Variants in ZNF521 observed in about 807,000 individuals in gnomAD.
The protein encoded by ZNF521 is LYST-interacting protein 3.
In ZNF521, 14 loss-of-function variants were observed where a neutral mutation model predicts 105.5. The ratio of observed to expected loss-of-function variants is 0.13; its 90% confidence interval spans 0.09 to 0.21. The LOEUF is 0.21. ZNF521 is among the 10% of genes least tolerant of loss of function. ZNF521 has a pLI of 1.00. For missense variants in ZNF521, 1,233 were observed against 1,629.7 expected, an observed-to-expected ratio of 0.76 and a Z score of 4.19; for synonymous variants, 635 against 606.0, an observed-to-expected ratio of 1.05 and a Z score of -0.70.
Position 25,227,425 on chromosome 18 carries a change from T to G in ZNF521, c.493A>C (p.Ile165Leu). 1 of 1,614,164 alleles carries G rather than the reference T, an allele frequency of 6.2e-7. No homozygotes were observed. ...TTCTTGTCCCCGGTGTGGAGTTTTA[T>G]GTGGCGATCTCGGCTGCGCTTGTGT... ...FKHKRSRDRHIKLHTGDKKYH... is the reference protein window; with the variant it reads ...FKHKRSRDRHLKLHTGDKKYH... The change falls in exon 4 of 8, where the codon ATA becomes CTA. Residue 165 changes from isoleucine to leucine, a missense_variant. By Grantham distance (5) the Ile-to-Leu change is conservative (BLOSUM62 2). Transcript: ENST00000361524. This position sits in a 1 kb window ranked among gnomAD's most constrained non-coding sequence, Gnocchi z 5.7.
intron 2 of ZNF521, among the ~76,000 whole-genome samples, chr18:25,331,376 C>G (rs1913557359): frequency 6.6e-6 from 1 of 151,960 alleles, no homozygotes; most frequent in South Asian, 2.1e-4. Context: ...TCTGTGTAGT[C>G]TTTAGTACAT....
chr18:25,178,033 T>C (rs1266272801), intron 5 of ZNF521, among the ~76,000 whole-genome samples: 1 of 152,180 alleles, frequency 6.6e-6, no homozygotes, highest in Non-Finnish European at 1.5e-5. Flanking sequence ...TAATAACACA[T>C]TCTGGCATCT....
At chr18:25,072,689 T>C (rs1261042287) in intron 7 of ZNF521, among the ~76,000 whole-genome samples, 1 of 152,178 alleles carries the variant, frequency 6.6e-6, no homozygotes, top group Non-Finnish European at 1.5e-5. Flanking sequence ...TCAAACTATA[T>C]AAAGCCAGCA....
At chr18:25,208,284 G>T (rs2036118039) in intron 4 of ZNF521, among the ~76,000 whole-genome samples, 2 of 152,100 alleles carry the variant, frequency 1.3e-5, no homozygotes, top group Admixed American at 1.3e-4. Context: ...TGTGCCCAAC[G>T]TCTATGAACA....
At chr18:25,296,291 T>C (rs961224612) in intron 3 of ZNF521, among the ~76,000 whole-genome samples, 17 of 152,202 alleles carry the variant, frequency 1.1e-4, no homozygotes, top group Admixed American at 6.5e-4. Context: ...GTTATTGTCA[T>C]CTGCCACCAC....
At chr18:25,306,658 T>C (rs774438289) in intron 3 of ZNF521, among the ~76,000 whole-genome samples, 3 of 152,114 alleles carry the variant, frequency 2.0e-5, no homozygotes, top group Non-Finnish European at 4.4e-5. Flanking sequence ...TTGTAGGGTG[T>C]CATTTCCACT....
At chr18:25,310,067 G>C (rs1194039336) in intron 3 of ZNF521, among the ~76,000 whole-genome samples, 6 of 152,012 alleles carry the variant, frequency 3.9e-5, no homozygotes, top group African/African-American at 1.4e-4. Flanking sequence ...TAGTTCACAA[G>C]AGATCTGAAT....
intron 7 of ZNF521, among the ~76,000 whole-genome samples, chr18:25,066,075 T>C (rs2033051808): frequency 6.6e-6 from 1 of 152,076 alleles, no homozygotes; most frequent in Admixed American, 6.5e-5. Context: ...GCATGAGAAA[T>C]GTAAGGGCAG....
chr18:25,175,453 G>C (rs979271162), intron 5 of ZNF521, among the ~76,000 whole-genome samples: 5 of 152,150 alleles, frequency 3.3e-5, no homozygotes, highest in Non-Finnish European at 7.3e-5. Flanking sequence ...ATCAACTCAA[G>C]CAAGGTTGGC....
At chr18:25,247,240 T>G (rs548546296) in intron 3 of ZNF521, among the ~76,000 whole-genome samples, 1 of 152,300 alleles carries the variant, frequency 6.6e-6, no homozygotes, top group Admixed American at 6.5e-5. Flanking sequence ...TCAGGAATGT[T>G]AATAGACCCC....
chr18:25,100,960 G>C (rs1430515363), intron 5 of ZNF521, among the ~76,000 whole-genome samples: 3 of 152,192 alleles, frequency 2.0e-5, no homozygotes, highest in Admixed American at 1.3e-4. Flanking sequence ...CATGCTGCCA[G>C]AAGGCAGAGG....
chr18:25,201,887 G>A (rs1600148495), intron 4 of ZNF521: 2 of 152,024 alleles, frequency 1.3e-5, no homozygotes, highest in East Asian at 1.9e-4. Flanking sequence ...TCTTAGAGTC[G>A]ATATGAAAAG....
Position 25,159,750 on chromosome 18 carries a change from C to T in ZNF521, c.3658+35410G>A, listed in dbSNP as rs116692067. On this transcript the variant is annotated intron_variant, in intron 5 of 7. Transcript: ENST00000361524. The stretch of plus-strand genomic sequence containing the variant: ...TGTGCCAAATTTAGAAATGTCACAT[C>T]GGGGTCAACAAAGTTACACTCACTA... Among the ~76,000 whole-genome samples, 812 of 152,210 alleles carry T rather than the reference C, an allele frequency of 5.3e-3. 10 individuals carry two copies. Among genetic ancestry groups the T allele is most frequent in the African/African-American group, 0.019 (790 of 41,522 alleles).
intron 5 of ZNF521, among the ~76,000 whole-genome samples, chr18:25,123,350 C>G (rs1027460181): frequency 6.6e-6 from 1 of 151,918 alleles, no homozygotes; most frequent in African/African-American, 2.4e-5. Flanking sequence ...AAAGAAAACA[C>G]AGAAATGATA....
intron 3 of ZNF521, among the ~76,000 whole-genome samples, chr18:25,257,068 T>C (rs761318648): frequency 7.8e-4 from 118 of 152,094 alleles, no homozygotes; most frequent in Non-Finnish European, 1.4e-3. Flanking sequence ...GAGACTACCG[T>C]AGATCACTGG....
At chr18:25,128,985 G>T (rs2034587866) in intron 5 of ZNF521, among the ~76,000 whole-genome samples, 2 of 151,738 alleles carry the variant, frequency 1.3e-5, no homozygotes, top group African/African-American at 4.8e-5. Flanking sequence ...AAAAGAACCA[G>T]AATAGCCAAA....
At chr18:25,148,204 C>T (rs919159949) in intron 5 of ZNF521, among the ~76,000 whole-genome samples, 1 of 152,180 alleles carries the variant, frequency 6.6e-6, no homozygotes, top group African/African-American at 2.4e-5. Context: ...TGGGATTAAA[C>T]ACTTGATTCA....
chr18:25,068,382 T>C (rs1206698338), intron 7 of ZNF521, among the ~76,000 whole-genome samples: 1 of 152,218 alleles, frequency 6.6e-6, no homozygotes, highest in African/African-American at 2.4e-5. Flanking sequence ...ACACTGAGGA[T>C]AATCGGTATG....
chr18:25,253,608 G>A (rs895621854), intron 3 of ZNF521, among the ~76,000 whole-genome samples: 1 of 152,048 alleles, frequency 6.6e-6, no homozygotes, highest in Non-Finnish European at 1.5e-5. Context: ...ATTTCATGAG[G>A]AAAAGACATG....
Sources: allele counts gnomAD v4.1 joint callset (sites outside exome capture counted in the v4.1 genomes callset), GRCh38; gene constraint gnomAD v4.1.1; non-coding constraint Gnocchi (gnomAD v3.1); transcripts MANE v1.5; gene names NCBI Gene and HGNC (gene_info 2026-07-23, HGNC 2026-07-21).